The following GRIK2 variants were observed in gnomAD, a reference collection of about 807,000 sequenced individuals.
GRIK2 encodes glutamate receptor ionotropic, kainate 2.
In GRIK2, 32 loss-of-function variants were observed where a neutral mutation model predicts 100.3. The ratio of observed to expected loss-of-function variants is 0.32; its 90% CI spans 0.24 to 0.43. The LOEUF is 0.43. Among genes scored for constraint, GRIK2 ranks in the 20% least tolerant of loss-of-function variants. The probability of loss-of-function intolerance (pLI) is 1.00; values close to 1 mark genes in which losing one functional copy is unlikely to be tolerated. For missense variants in GRIK2, 843 were observed against 1,114.9 expected (o/e 0.76, Z 3.47); for synonymous variants, 417 against 389.4 (o/e 1.07, Z -0.83).
chr6:101,673,192 G>C (rs755843234), intron 4 of GRIK2, among the ~76,000 whole-genome samples: 1 of 152,058 alleles, frequency 6.6e-6, no homozygotes, highest in Non-Finnish European at 1.5e-5. Flanking sequence ...TTTAAAAATG[G>C]GCAAAAGACA....
intron 2 of GRIK2, among the ~76,000 whole-genome samples, chr6:101,538,561 A>G (rs1347222444): frequency 6.6e-5 from 10 of 151,616 alleles, no homozygotes; most frequent in Non-Finnish European, 1.5e-4. Context: ...AAGACTATCA[A>G]TGATAATATT....
Position 101,849,618 on chromosome 6 carries a change from T to C in GRIK2, c.1318-9669T>C, listed in dbSNP as rs1457497713. Among the ~76,000 whole-genome samples, 3 of 151,992 alleles carry C rather than the reference T, an allele frequency of 2.0e-5. No homozygotes were observed. The East Asian group carries it at 5.8e-4, about 29-fold the overall frequency. On this transcript the variant is annotated intron_variant, in intron 10 of 16. Transcript: ENST00000369134. ...ACTAGTTATGATTTAATGCCTTCAG[T>C]AAGAGGGCAGTAATAAGATATAGAG...
At chr6:101,484,640 T>A (rs2128263070) in intron 2 of GRIK2, among the ~76,000 whole-genome samples, 1 of 152,122 alleles carries the variant, frequency 6.6e-6, no homozygotes. Context: ...AATGTTAAGA[T>A]AATATTGAAG....
At chr6:101,860,262 G>C (rs768299199) in intron 11 of GRIK2, among the ~76,000 whole-genome samples, 22 of 152,104 alleles carry the variant, frequency 1.4e-4, no homozygotes, top group Non-Finnish European at 2.5e-4. Flanking sequence ...AGCATGCACG[G>C]TGGCCATTCA....
chr6:101,421,733 C>T (rs1255225887), intron 2 of GRIK2, among the ~76,000 whole-genome samples: 2 of 152,084 alleles, frequency 1.3e-5, no homozygotes, highest in Non-Finnish European at 2.9e-5. Context: ...TTGGAAGCAT[C>T]ACAAGGTTAT....
intron 2 of GRIK2, among the ~76,000 whole-genome samples, chr6:101,482,439 G>C (rs1423510921): frequency 1.3e-5 from 2 of 152,072 alleles, no homozygotes; most frequent in Non-Finnish European, 1.5e-5. Context: ...GGCTTTCCCA[G>C]AGAAGGTTAT....
At chr6:101,668,895 A>G (rs1046380075) in intron 4 of GRIK2, among the ~76,000 whole-genome samples, 5 of 152,182 alleles carry the variant, frequency 3.3e-5, no homozygotes, top group African/African-American at 1.2e-4. Flanking sequence ...TTAAAAGCTA[A>G]ATTGATGACA....
intron 2 of GRIK2, among the ~76,000 whole-genome samples, chr6:101,443,469 T>C (rs1047181385): frequency 2.6e-4 from 39 of 152,312 alleles, no homozygotes; most frequent in Admixed American, 1.3e-3. Context: ...AGTATTGTGA[T>C]GATTCATCAG....
rs751842671 is a variant in GRIK2, at chr6:101,859,404, G to A, written c.1435G>A (p.Glu479Lys). 3 of 1,606,368 alleles carry A rather than the reference G, an allele frequency of 1.9e-6. No homozygotes were observed. In the East Asian group the frequency reaches 6.7e-5, roughly 36 times the overall value. Reference protein sequence around the residue: ...ELSTILGFTYEIRLVEDGKYG... With the variant: ...ELSTILGFTYKIRLVEDGKYG... ...ATCTACAATCCTTGGCTTTACATAT[G>A]AAATTAGACTTGTGGAAGATGGGAA... is the stretch of plus-strand genomic sequence containing the variant. The change falls in exon 11 of 17, where the codon GAA becomes AAA. Residue 479 changes from glutamate to lysine, a missense_variant. Glu to Lys is a moderately conservative substitution (Grantham distance 56). Coordinates refer to ENST00000369134, the MANE Select transcript of GRIK2 (RefSeq NM_021956.5).
intron 2 of GRIK2, among the ~76,000 whole-genome samples, chr6:101,539,781 G>A (rs1274246132): frequency 1.3e-5 from 2 of 151,658 alleles, no homozygotes; most frequent in Non-Finnish European, 3.0e-5. Context: ...TGTTTTGGCT[G>A]TAGGATTTTT....
chr6:101,794,828 T>C (rs942280472), intron 7 of GRIK2, among the ~76,000 whole-genome samples: 1 of 151,474 alleles, frequency 6.6e-6, no homozygotes, highest in Non-Finnish European at 1.5e-5. Flanking sequence ...GTCCTTATGT[T>C]GATATCTACA....
intron 4 of GRIK2, among the ~76,000 whole-genome samples, chr6:101,674,534 G>A (rs566149991): frequency 7.9e-5 from 12 of 152,220 alleles, no homozygotes; most frequent in South Asian, 6.2e-4. Context: ...CGTCATAGCC[G>A]AACATTAAAC....
At chr6:102,005,815 T>C (rs540947489) in intron 14 of GRIK2, among the ~76,000 whole-genome samples, 9 of 152,172 alleles carry the variant, frequency 5.9e-5, no homozygotes, top group Admixed American at 3.3e-4. Context: ...ACAATAGATA[T>C]TAAGTTTCTG....
chr6:102,017,918 T>C (rs1192380217), intron 14 of GRIK2, among the ~76,000 whole-genome samples: 1 of 152,192 alleles, frequency 6.6e-6, no homozygotes, highest in African/African-American at 2.4e-5. Flanking sequence ...TGTCAATCTC[T>C]TTTTGCTTGT....
intron 2 of GRIK2, among the ~76,000 whole-genome samples, chr6:101,502,485 T>C (rs887809123): frequency 6.6e-6 from 1 of 152,014 alleles, no homozygotes; most frequent in African/African-American, 2.4e-5. Flanking sequence ...TTCCGAGACA[T>C]AGAAAATAAA....
At chr6:102,025,415 A>C (rs1039526426) in intron 14 of GRIK2, among the ~76,000 whole-genome samples, 7 of 151,312 alleles carry the variant, frequency 4.6e-5, no homozygotes, top group African/African-American at 1.7e-4. Context: ...CAAATAAAAT[A>C]GACGGAGGAT....
In GRIK2 at chr6:101,922,076, TTTCCTTCC is replaced by T. The variant is rs906511587; in HGVS notation, c.1749-2468_1749-2461del. Among the ~76,000 whole-genome samples the T allele has an allele frequency of 1.1e-3, 126 of 110,286 alleles. 1 individual carries two copies. The highest frequency in any genetic ancestry group is 4.4e-3 in the East Asian group (14 of 3,210). 72.4% of individuals were successfully genotyped at this position (110,286 alleles called of 152,430 possible). A position where few individuals can be genotyped will look rare whatever the true frequency, so the allele number is the denominator to read the frequency against. On this transcript the variant is annotated intron_variant, in intron 12 of 16. Coordinates refer to ENST00000369134, the MANE Select transcript of GRIK2 (RefSeq NM_021956.5). ...GATTCTTCCTTCCTACCTTTCTCCA[TTTCCTTCC>T]TTCCTTCCTTCCTTCCTTCCTTCCT...
At chr6:101,534,143 T>A (rs562880385) in intron 2 of GRIK2, among the ~76,000 whole-genome samples, 30 of 152,012 alleles carry the variant, frequency 2.0e-4, no homozygotes, top group African/African-American at 4.8e-4. Flanking sequence ...TTTTATTTTT[T>A]TTTTTTGAAA....
At chr6:101,858,386 C>CTTTTTTTTTTTTTTTTTTTT (rs780526806) in intron 10 of GRIK2, among the ~76,000 whole-genome samples, 1 of 91,654 alleles carries the variant, frequency 1.1e-5, no homozygotes, top group Admixed American at 1.2e-4. Context: ...ATTTTTTTTT[C>CTTTTTTTTTTTTTTTTTTTT]TTTTTTTTTT....
Sources: allele counts gnomAD v4.1 joint callset (sites outside exome capture counted in the v4.1 genomes callset), GRCh38; gene constraint gnomAD v4.1.1; transcripts MANE v1.5; gene names NCBI Gene and HGNC (gene_info 2026-07-23, HGNC 2026-07-21).